The following PLXDC1 variants were observed in gnomAD, a reference collection of about 807,000 sequenced individuals.
PLXDC1 encodes plexin domain containing 1, also known as plexin domain-containing protein 1.
Under a neutral mutation model 61.3 loss-of-function variants are expected in PLXDC1, and 39 were observed. The observed-to-expected ratio is 0.64, with a 90% CI of 0.49 to 0.83. The LOEUF (loss-of-function observed/expected upper bound fraction) is 0.83, where lower values mean the gene tolerates loss of function less well. Ranked by LOEUF, PLXDC1 falls within the 40% of genes least tolerant of loss-of-function variation. PLXDC1 has a pLI of 0.00. For missense variants in PLXDC1, 596 were observed against 666.5 expected, an observed-to-expected ratio of 0.89 and a Z score of 1.17; for synonymous variants, 212 against 254.5, an observed-to-expected ratio of 0.83 and a Z score of 1.59.
At chr17:39,146,948 A>ATTTTTTTTTTTTTTT (rs869300584) in intron 1 of PLXDC1, among the ~76,000 whole-genome samples, 2 of 74,698 alleles carry the variant, frequency 2.7e-5, no homozygotes, top group African/African-American at 5.2e-5. Flanking sequence ...ACAGGAAATG[A>ATTTTTTTTTTTTTTT]TTTTTTTTTT....
In PLXDC1 at chr17:39,069,931, GA is replaced by G; in HGVS notation, c.1307del (p.Leu436ProfsTer35). Reference protein sequence around the residue: ...TIVGIVLAVLLVAAIILAGIY... With the variant: ...TIVGIVLAVLXVAAIILAGIY... The stretch of plus-strand genomic sequence containing the variant: ...TTCCAGCCAGGATGATGGCCGCCAC[GA>G]GGAGGACTGCCAGCACGATGCCCAC... On this transcript the variant is annotated frameshift_variant, in exon 13 of 14. Transcript: ENST00000315392. LOFTEE classifies it high-confidence loss of function. 1 of 1,613,124 alleles carries G rather than the reference GA, an allele frequency of 6.2e-7. No homozygotes were observed. Among genetic ancestry groups the G allele is most frequent in the East Asian group, 2.2e-5 (1 of 44,876 alleles).
chr17:39,118,146 A>G (rs1911051068), intron 2 of PLXDC1, among the ~76,000 whole-genome samples: 1 of 125,358 alleles, frequency 8.0e-6, no homozygotes, highest in South Asian at 2.6e-4. Flanking sequence ...CTTCCTCTCA[A>G]TCTCTTCCTT....
intron 2 of PLXDC1, among the ~76,000 whole-genome samples, chr17:39,118,412 C>T (rs1911061004): frequency 6.6e-6 from 1 of 151,918 alleles, no homozygotes; most frequent in Admixed American, 6.6e-5. Context: ...CCATGTTGGC[C>T]AGGCTGTTCT....
At chr17:39,140,726 T>C (rs981216526) in intron 1 of PLXDC1, among the ~76,000 whole-genome samples, 2 of 152,226 alleles carry the variant, frequency 1.3e-5, no homozygotes, top group African/African-American at 4.8e-5. Flanking sequence ...CTGGCAGAAA[T>C]GGCACATAAT....
chr17:39,063,508 C>G lies in PLXDC1; in HGVS notation c.*4332G>C. On this transcript the variant is annotated 3_prime_UTR_variant, in exon 14 of 14. Coordinates refer to ENST00000315392, the MANE Select transcript of PLXDC1 (RefSeq NM_020405.5). ...GGAGGCTGTTCCCACAGTCATGTCT[C>G]AGCGAAGAAGTCGGAGTTCAGCAGC... The G allele has an allele frequency of 1.4e-6, 1 of 702,986 alleles. No homozygotes were observed. The allele number at this position is 702,986 out of a possible 1,614,324, so 43.5% of individuals were successfully genotyped here. A position where few individuals can be genotyped will look rare whatever the true frequency, so the allele number is the denominator to read the frequency against.
intron 7 of PLXDC1, among the ~76,000 whole-genome samples, chr17:39,092,899 C>G (rs1910009108): frequency 6.6e-6 from 1 of 152,158 alleles, no homozygotes; most frequent in South Asian, 2.1e-4. Flanking sequence ...CGGTAGCTGA[C>G]TTCCAGCTAC....
At chr17:39,115,802 G>A (rs1856884860) in intron 2 of PLXDC1, among the ~76,000 whole-genome samples, 1 of 152,146 alleles carries the variant, frequency 6.6e-6, no homozygotes, top group South Asian at 2.1e-4. Context: ...TTTTCTCAGT[G>A]GGGAAACTGA....
At chr17:39,102,486 C>CT (rs1390712842) in intron 7 of PLXDC1, among the ~76,000 whole-genome samples, 1 of 151,896 alleles carries the variant, frequency 6.6e-6, no homozygotes. Context: ...CACACGGGGG[C>CT]ATGAAAGTAC....
At chr17:39,090,056 C>T (rs1909890498) in intron 7 of PLXDC1, among the ~76,000 whole-genome samples, 1 of 152,086 alleles carries the variant, frequency 6.6e-6, no homozygotes. Context: ...GCCTGAGACC[C>T]CCAAAATGCT....
chr17:39,116,954 G>C (rs866831689), intron 2 of PLXDC1, among the ~76,000 whole-genome samples: 2 of 152,266 alleles, frequency 1.3e-5, no homozygotes, highest in Admixed American at 6.5e-5. Flanking sequence ...GGGCGTGCCA[G>C]ATTGGTTAAA....
intron 9 of PLXDC1, among the ~76,000 whole-genome samples, chr17:39,082,609 C>T (rs1046651664): frequency 2.0e-5 from 3 of 151,054 alleles, no homozygotes; most frequent in Non-Finnish European, 2.9e-5. Context: ...AGGAGCAGCA[C>T]GACAGCTGCA....
chr17:39,117,050 G>A (rs1164260277), intron 2 of PLXDC1, among the ~76,000 whole-genome samples: 4 of 152,214 alleles, frequency 2.6e-5, no homozygotes, highest in African/African-American at 9.6e-5. Flanking sequence ...CTGACATCAG[G>A]GTTGACGGGG....
At chr17:39,091,823 G>A (rs1909961884) in intron 7 of PLXDC1, among the ~76,000 whole-genome samples, 1 of 151,956 alleles carries the variant, frequency 6.6e-6, no homozygotes, top group Non-Finnish European at 1.5e-5. Context: ...GCCAGGCGTG[G>A]TGGTGAGCAC....
Position 39,063,383 on chromosome 17 carries a change from A to G in PLXDC1, c.*4457T>C, listed in dbSNP as rs1157198595. The G allele has an allele frequency of 1.5e-6, 1 of 686,318 alleles. No homozygotes were observed. Among genetic ancestry groups the G allele is most frequent in the South Asian group, 1.5e-5 (1 of 64,740 alleles). The allele number at this position is 686,318 out of a possible 1,614,324, so 42.5% of individuals were successfully genotyped here. On this transcript the variant is annotated 3_prime_UTR_variant, in exon 14 of 14. Transcript: ENST00000315392. ...GCATGGGGTTTACTTCCAGGGATTT[A>G]CAGACCAATATAAGTAAACAGCTGG...
rs1339358038 is a variant in PLXDC1, at chr17:39,116,668, C to T, written c.256-7277G>A. ...GGAAGTAAAGCCAACAAGGCAGATA[C>T]CTTCGGGGGCAAGGAAGAGAAACCC... is the stretch of plus-strand genomic sequence containing the variant. On this transcript the variant is annotated intron_variant, in intron 2 of 13. Transcript: ENST00000315392. Among the ~76,000 whole-genome samples, 7 of 152,202 alleles carry T rather than the reference C, an allele frequency of 4.6e-5. No homozygotes were observed. In the East Asian group the frequency reaches 1.3e-3, roughly 29 times the overall value.
At chr17:39,085,061 A>G (rs1418101244) in intron 8 of PLXDC1, among the ~76,000 whole-genome samples, 1 of 152,242 alleles carries the variant, frequency 6.6e-6, no homozygotes, top group Non-Finnish European at 1.5e-5. Context: ...AACAACAGAA[A>G]AATGACCACT....
chr17:39,120,505 TG>T (rs1911127522), intron 2 of PLXDC1, among the ~76,000 whole-genome samples: 1 of 152,188 alleles, frequency 6.6e-6, no homozygotes, highest in African/African-American at 2.4e-5. Context: ...ATACGATACA[TG>T]GCATGATATG....
In PLXDC1 at chr17:39,107,583, A is replaced by G. The variant is rs746672880; in HGVS notation, c.593-58T>C. 34 of 1,271,132 alleles carry G rather than the reference A, an allele frequency of 2.7e-5. 1 individual carries two copies. The Middle Eastern group carries it at 5.5e-4, about 21-fold the overall frequency. 78.7% of individuals were successfully genotyped at this position (1,271,132 alleles called of 1,614,324 possible). ...GAGATCATGCAAGGAGCAGGGCCCT[A>G]CAGAAATGCCAGTCGGAGGGCAGCG... On this transcript the variant is annotated intron_variant, in intron 5 of 13. Transcript: ENST00000315392.
At chr17:39,112,118 C>T (rs1405579040) in intron 2 of PLXDC1, 4 of 152,172 alleles carry the variant, frequency 2.6e-5, no homozygotes, top group Admixed American at 2.6e-4. Flanking sequence ...CCGTGCGTGG[C>T]ACTCTGTGCA....
Sources: gnomAD v4.1 joint callset for allele counts (sites outside exome capture counted in the v4.1 genomes callset) on GRCh38, gnomAD v4.1.1 for gene constraint, MANE v1.5 for transcripts, NCBI Gene and HGNC (gene_info 2026-07-23, HGNC 2026-07-21) for gene names.